The following USP38 variants were observed in gnomAD, a reference collection of about 807,000 sequenced individuals.
USP38 encodes ubiquitin carboxyl-terminal hydrolase 38.
USP38 carries 49 observed loss-of-function variants against 94.3 expected under a neutral mutation model. That is an observed-to-expected ratio of 0.52 (90% CI 0.41 to 0.66). The LOEUF (loss-of-function observed/expected upper bound fraction) is 0.66, where lower values mean the gene tolerates loss of function less well. Ranked by LOEUF, USP38 falls within the 30% of genes least tolerant of loss-of-function variation. USP38 has a pLI of 0.00. For synonymous variants in USP38, 468 were observed against 463.6 expected (o/e 1.01, Z -0.12); for missense variants, 1,128 against 1,229.4 (o/e 0.92, Z 1.23).
At position 143,187,456 on chromosome 4, in the gene USP38, G is replaced by C. The variant is rs181069235; in HGVS notation, c.683-370G>C. On this transcript the variant is annotated intron_variant, in intron 1 of 9. Coordinates refer to ENST00000307017, the MANE Select transcript of USP38 (RefSeq NM_032557.6). ...TTAAAGTTATTTTGGAGGGTCTGAAGTGGAAGTTGAAATGATACTTTATGT... is the reference window on the plus strand; with the variant it reads ...TTAAAGTTATTTTGGAGGGTCTGAACTGGAAGTTGAAATGATACTTTATGT... 3.9e-3 allele frequency among the ~76,000 whole-genome samples: 592 copies of C among 152,282 alleles called. 3 individuals are homozygous for C. The highest frequency in any genetic ancestry group is 0.028 in the South Asian group (135 of 4,830).
chr4:143,195,628 G>T, intron 2 of USP38, 88 bp from the exon 3 acceptor site: 1 of 1,348,494 alleles, frequency 7.4e-7, no homozygotes, highest in Admixed American at 2.7e-5. Context: ...TATTCACAAA[G>T]TGAGTGATTA....
intron 9 of USP38, among the ~76,000 whole-genome samples, chr4:143,216,006 T>G (rs1433584496): frequency 2.0e-5 from 3 of 152,106 alleles, no homozygotes; most frequent in African/African-American, 7.2e-5. Flanking sequence ...AACTGTGTCC[T>G]TCTTACTAGA....
At chr4:143,202,305 G>A (rs1731737678) in intron 4 of USP38, among the ~76,000 whole-genome samples, 1 of 152,116 alleles carries the variant, frequency 6.6e-6, no homozygotes, top group African/African-American at 2.4e-5. Flanking sequence ...GCTAGACAGA[G>A]CAGAATGGAA....
intron 3 of USP38, among the ~76,000 whole-genome samples, chr4:143,196,844 A>G (rs940852271): frequency 2.6e-5 from 4 of 152,126 alleles, no homozygotes; most frequent in Non-Finnish European, 5.9e-5. Flanking sequence ...AGGCTACTCT[A>G]TCCTTTCACT....
chr4:143,198,780 G>A (rs4690779), intron 4 of USP38, among the ~76,000 whole-genome samples: 90,232 of 151,860 alleles, frequency 0.59, 26,990 homozygotes, highest in East Asian at 0.82. Flanking sequence ...TAGGATGAGT[G>A]ATTTCTGCAG....
chr4:143,219,459 A>C (rs1732268749), intron 9 of USP38, among the ~76,000 whole-genome samples: 1 of 152,088 alleles, frequency 6.6e-6, no homozygotes, highest in African/African-American at 2.4e-5. Context: ...GAAAAATCGA[A>C]ATAATAGTGT....
chr4:143,213,428 A>G (rs796808487), intron 8 of USP38, among the ~76,000 whole-genome samples, 153 bp from the exon 9 acceptor site: 2 of 152,280 alleles, frequency 1.3e-5, no homozygotes, highest in South Asian at 4.1e-4. Flanking sequence ...CATTCTCAAA[A>G]CTGTTCAATT....
rs1731198014 is a variant in USP38, at chr4:143,185,638, A to G, written c.188A>G (p.Gln63Arg). The G allele has an allele frequency of 1.2e-6, 2 of 1,614,004 alleles. No individual in the cohort carries two copies. The highest frequency in any genetic ancestry group is 1.7e-6 in the Non-Finnish European group (2 of 1,180,010). The stretch of plus-strand genomic sequence containing the variant: ...CCTTTCCAGCGGCAGGTGGGGCACC[A>G]GGTGCTGGAGGCCTACGCACGATAC... ...QDPFQRQVGH[Q>R]VLEAYARYHR... Residue 63 changes from glutamine to arginine, a missense_variant, in exon 1 of 10, where the codon CAG (glutamine) becomes CGG (arginine). Physicochemically the swap from Gln to Arg is conservative, Grantham distance 43 (BLOSUM62 1). Coordinates refer to ENST00000307017, the MANE Select transcript of USP38 (RefSeq NM_032557.6).
chr4:143,214,656 G>C lies in USP38; in HGVS notation c.2680G>C (p.Asp894His), dbSNP rs1192218663. The change falls in exon 9 of 10, where the codon GAT becomes CAT. Residue 894 changes from aspartate to histidine, a missense_variant. Transcript: ENST00000307017. ...ASSQSHLLGR[D>H]SPSAVFEQDL... ...CTCCCAGAGTCATTTACTAGGGAGAGATAGTCCCAGTGCAGTTTTTGAACA... is the reference window on the plus strand; with the variant it reads ...CTCCCAGAGTCATTTACTAGGGAGACATAGTCCCAGTGCAGTTTTTGAACA... 6.2e-7 allele frequency: 1 copy of C among 1,613,702 alleles called. No homozygotes were observed.
intron 6 of USP38, among the ~76,000 whole-genome samples, chr4:143,208,964 G>A (rs1731948904): frequency 6.8e-6 from 1 of 147,444 alleles, no homozygotes; most frequent in African/African-American, 2.5e-5. Context: ...TGGATACCCA[G>A]CTGTCCCTTT....
chr4:143,193,374 G>A (rs535302345), intron 2 of USP38, among the ~76,000 whole-genome samples: 1 of 152,196 alleles, frequency 6.6e-6, no homozygotes, highest in South Asian at 2.1e-4. Context: ...CAATCATTTA[G>A]GTTGTTTGCA....
rs1393646142 is a variant in USP38 at position 143,206,032 on chromosome 4, G to A, written c.1210-1G>A. On this transcript the variant is annotated splice_acceptor_variant, in intron 5 of 9. Transcript: ENST00000307017. LOFTEE classifies it high-confidence loss of function. ...CTGTTTTTCTTCTTTATGACCTATA[G>A]GATTTTCCTAAGCCCAGTGAAGAGA... 6.4e-7 allele frequency: 1 copy of A among 1,560,920 alleles called. No individual in the cohort carries two copies.
chr4:143,220,367 T>TCCA lies in USP38; in HGVS notation c.3040_3041insCCA (p.Phe1014delinsSerIle). On this transcript the variant is annotated protein_altering_variant, in exon 10 of 10. Coordinates refer to ENST00000307017, the MANE Select transcript of USP38 (RefSeq NM_032557.6). ...TTCATGTTCATTTCGGCCCAATGGATTTGATGACAACGACCCACCAGGAAG... is the reference window on the plus strand; with the variant it reads ...TTCATGTTCATTTCGGCCCAATGGATCCATTGATGACAACGACCCACCAGGAAG... 1 of 1,613,542 alleles carries TCCA rather than the reference T, an allele frequency of 6.2e-7. No homozygotes were observed.
At position 143,206,030 on chromosome 4, in the gene USP38, TA is replaced by T. The variant is rs1296985904; in HGVS notation, c.1210-2del. 1 of 1,561,886 alleles carries T rather than the reference TA, an allele frequency of 6.4e-7. No individual in the cohort carries two copies. Among genetic ancestry groups the T allele is most frequent in the Admixed American group, 2.0e-5 (1 of 49,898 alleles). On this transcript the variant is annotated splice_acceptor_variant, in intron 5 of 9. Transcript: ENST00000307017. LOFTEE classifies it high-confidence loss of function. ...AACTGTTTTTCTTCTTTATGACCTA[TA>T]GGATTTTCCTAAGCCCAGTGAAGAG...
chr4:143,203,667 G>A, intron 5 of USP38, 101 bp downstream of exon 5: 1 of 1,268,736 alleles, frequency 7.9e-7, no homozygotes, highest in Non-Finnish European at 1.1e-6. Context: ...ATGGTAATAT[G>A]CTTTTTATTT....
intron 9 of USP38, among the ~76,000 whole-genome samples, chr4:143,218,439 A>G (rs946733308): frequency 5.3e-5 from 8 of 152,122 alleles, no homozygotes; most frequent in Non-Finnish European, 1.0e-4. Context: ...TACCTGTATT[A>G]AGTAAAATAA....
At position 143,221,910 on chromosome 4, in the gene USP38, A is replaced by C. The variant is rs1398980999; in HGVS notation, c.*1454A>C. 1 of 152,116 alleles carries C rather than the reference A, an allele frequency of 6.6e-6. No individual in the cohort carries two copies. The highest frequency in any genetic ancestry group is 6.6e-5 in the Admixed American group (1 of 15,244). 9.4% of individuals were successfully genotyped at this position (152,116 alleles called of 1,614,324 possible). On this transcript the variant is annotated 3_prime_UTR_variant, in exon 10 of 10. Transcript: ENST00000307017. ...TTTCCAATCACCAGGAAGATTAGGA[A>C]GGCAGATTAGATTAAAAACTGAAAA... is the stretch of plus-strand genomic sequence containing the variant.
In USP38 at chr4:143,188,983, T is replaced by C. The variant is rs1426203689; in HGVS notation, c.818+1022T>C. Among the ~76,000 whole-genome samples the C allele has an allele frequency of 9.9e-5, 15 of 152,082 alleles. No homozygotes were observed. The South Asian group carries it at 2.9e-3, about 29-fold the overall frequency. Reference sequence around the variant, plus strand: ...GTTTTGTTTTAGATTTGATTAAATATGATAAGTAAAATAATTTAGTATGTT... The same window carrying C: ...GTTTTGTTTTAGATTTGATTAAATACGATAAGTAAAATAATTTAGTATGTT... On this transcript the variant is annotated intron_variant, in intron 2 of 9. Coordinates refer to ENST00000307017, the MANE Select transcript of USP38 (RefSeq NM_032557.6).
At chr4:143,219,706 T>C (rs1052937397) in intron 9 of USP38, among the ~76,000 whole-genome samples, 2 of 152,164 alleles carry the variant, frequency 1.3e-5, no homozygotes, top group African/African-American at 4.8e-5. Flanking sequence ...AATTTGCCAT[T>C]ATTTATTCAT....
Sources: allele counts gnomAD v4.1 joint callset (sites outside exome capture counted in the v4.1 genomes callset), GRCh38; gene constraint gnomAD v4.1.1; transcripts MANE v1.5; gene names NCBI Gene and HGNC (gene_info 2026-07-23, HGNC 2026-07-21).